The following EXT1 variants were observed in gnomAD, a reference collection of about 807,000 sequenced individuals.
EXT1 encodes the protein exostosin-1.
In EXT1, 20 loss-of-function variants were observed where a neutral mutation model predicts 82.5. The observed-to-expected ratio is 0.24, with a 90% CI of 0.17 to 0.35. The LOEUF is 0.35. Among genes scored for constraint, EXT1 ranks in the 10% least tolerant of loss-of-function variants. The pLI, the probability that EXT1 is intolerant of heterozygous loss-of-function variation, is 1.00. For missense variants in EXT1, 757 were observed against 936.5 expected, an observed-to-expected ratio of 0.81 and a Z score of 2.50; for synonymous variants, 348 against 350.8, an observed-to-expected ratio of 0.99 and a Z score of 0.09.
At chr8:118,098,509 C>A (rs1231651036) in intron 1 of EXT1, among the ~76,000 whole-genome samples, 1 of 152,090 alleles carries the variant, frequency 6.6e-6, no homozygotes, top group Non-Finnish European at 1.5e-5. Flanking sequence ...GTAATCCCAG[C>A]ACTTTGGGAG....
Position 117,799,774 on chromosome 8 carries a change from C to T in EXT1, c.2179G>A (p.Val727Ile), listed in dbSNP as rs146096724. The T allele has an allele frequency of 2.4e-5, 38 of 1,613,950 alleles. No individual in the cohort carries two copies. In the Admixed American group the frequency reaches 3.0e-4, roughly 13 times the overall value. The stretch of plus-strand genomic sequence containing the variant: ...ATAGAGACCTGGTCTTTAAAGAGGA[C>T]GGGGTCGAGCCTCATCTGAGAGTGG... ...LIHSQMRLDP[V>I]LFKDQVSILR... The change falls in exon 11 of 11, where the codon GTC becomes ATC. Residue 727 changes from valine to isoleucine, a missense_variant. By Grantham distance (29) the Val-to-Ile change is conservative. Transcript: ENST00000378204.
At chr8:117,842,191 C>T (rs931284810) in intron 1 of EXT1, among the ~76,000 whole-genome samples, 4 of 152,118 alleles carry the variant, frequency 2.6e-5, no homozygotes, top group African/African-American at 4.8e-5. Context: ...AACCTGGGTT[C>T]GAATTCCAGC....
chr8:117,823,308 G>T (rs539186169), intron 4 of EXT1, among the ~76,000 whole-genome samples: 1 of 152,230 alleles, frequency 6.6e-6, no homozygotes, highest in Admixed American at 6.5e-5. Context: ...GGACCTTGCA[G>T]ATCATTAAAT....
At chr8:118,063,245 A>G (rs1227854372) in intron 1 of EXT1, among the ~76,000 whole-genome samples, 2 of 152,254 alleles carry the variant, frequency 1.3e-5, no homozygotes, top group Admixed American at 6.5e-5. Flanking sequence ...AAAGAAGTGC[A>G]TATCTGCTTA....
intron 1 of EXT1, among the ~76,000 whole-genome samples, chr8:117,968,898 T>G (rs1258936545): frequency 6.6e-6 from 1 of 152,206 alleles, no homozygotes; most frequent in East Asian, 1.9e-4. Flanking sequence ...CAGTAAATAT[T>G]TGACTGTAAA....
At chr8:118,022,570 T>C (rs1409776036) in intron 1 of EXT1, among the ~76,000 whole-genome samples, 1 of 151,324 alleles carries the variant, frequency 6.6e-6, no homozygotes, top group Non-Finnish European at 1.5e-5. Flanking sequence ...ACTCCTGACC[T>C]CAGGTGATCC....
intron 5 of EXT1, among the ~76,000 whole-genome samples, chr8:117,821,747 G>C (rs904097802): frequency 6.6e-6 from 1 of 152,120 alleles, no homozygotes; most frequent in Non-Finnish European, 1.5e-5. Flanking sequence ...CCTGTCCTAG[G>C]CTTTCTCAAG....
intron 1 of EXT1, among the ~76,000 whole-genome samples, chr8:118,030,802 C>G (rs1816297580): frequency 6.6e-6 from 1 of 152,066 alleles, no homozygotes. Flanking sequence ...TTCTTGAGGT[C>G]TTGGCTTCTG....
At chr8:117,914,871 A>G (rs1813718188) in intron 1 of EXT1, among the ~76,000 whole-genome samples, 1 of 151,860 alleles carries the variant, frequency 6.6e-6, no homozygotes, top group Non-Finnish European at 1.5e-5. Flanking sequence ...CCTTGTGCTC[A>G]GTAGTTCTGC....
intron 1 of EXT1, among the ~76,000 whole-genome samples, chr8:117,915,855 C>CAAAACA (rs71569751): frequency 1.3e-5 from 2 of 148,722 alleles, no homozygotes; most frequent in African/African-American, 5.0e-5. Context: ...GACTCTGTCT[C>CAAAACA]AAACAAAACA....
At chr8:117,943,984 T>C (rs572274148) in intron 1 of EXT1, among the ~76,000 whole-genome samples, 4 of 152,330 alleles carry the variant, frequency 2.6e-5, no homozygotes, top group Non-Finnish European at 4.4e-5. Flanking sequence ...TTATCTGCTG[T>C]CTAGTTTCAA....
intron 1 of EXT1, among the ~76,000 whole-genome samples, chr8:118,026,869 C>T (rs750680307): frequency 6.6e-6 from 1 of 152,196 alleles, no homozygotes; most frequent in Middle Eastern, 3.2e-3. Context: ...TTTGGAAACA[C>T]AAAACAGAGT....
chr8:117,839,400 A>C (rs1272431818), intron 1 of EXT1, among the ~76,000 whole-genome samples: 1 of 152,212 alleles, frequency 6.6e-6, no homozygotes, highest in Non-Finnish European at 1.5e-5. Context: ...TTAGGTGTCC[A>C]TACCATTATA....
intron 1 of EXT1, among the ~76,000 whole-genome samples, chr8:118,024,574 T>G (rs575938751): frequency 2.6e-5 from 4 of 151,272 alleles, no homozygotes; most frequent in African/African-American, 9.7e-5. Flanking sequence ...GAACTTGCAG[T>G]TCAGTAGAGG....
rs183069463 is a variant in EXT1, at chr8:117,950,629, C to T, written c.963-113428G>A. On this transcript the variant is annotated intron_variant, in intron 1 of 10. Coordinates refer to ENST00000378204, the MANE Select transcript of EXT1 (RefSeq NM_000127.3). ...AATATCAGGGTCAAGTCCAAATTGT[C>T]CCTTTAGGGCTTACCCTGATAGAAC... 1.8e-3 allele frequency among the ~76,000 whole-genome samples: 272 copies of T among 152,294 alleles called. 1 individual carries two copies. The highest frequency in any genetic ancestry group is 3.3e-3 in the Non-Finnish European group (226 of 68,032).
chr8:118,048,414 CT>C (rs751934121), intron 1 of EXT1, among the ~76,000 whole-genome samples: 20 of 152,196 alleles, frequency 1.3e-4, no homozygotes, highest in Non-Finnish European at 2.6e-4. Flanking sequence ...TTCAAAAGTC[CT>C]ATGCCAGATA....
chr8:117,844,820 T>C (rs981354574), intron 1 of EXT1, among the ~76,000 whole-genome samples: 30 of 152,270 alleles, frequency 2.0e-4, no homozygotes. Context: ...TCAGGGATGC[T>C]TGGCGTCCCC....
At position 117,846,894 on chromosome 8, in the gene EXT1, C is replaced by T. The variant is rs17503586; in HGVS notation, c.963-9693G>A. Among the ~76,000 whole-genome samples the T allele has an allele frequency of 5.6e-3, 845 of 152,210 alleles. 14 individuals carry two copies. Among genetic ancestry groups the T allele is most frequent in the African/African-American group, 0.019 (797 of 41,526 alleles). On this transcript the variant is annotated intron_variant, in intron 1 of 10. Transcript: ENST00000378204. The stretch of plus-strand genomic sequence containing the variant: ...GGGAGCACTTCTTCCCTACATGCCC[C>T]TCTTTCCTTCTTTTTCTTAACTTCC...
chr8:117,825,585 G>A (rs1482798925), intron 4 of EXT1, among the ~76,000 whole-genome samples: 4 of 152,184 alleles, frequency 2.6e-5, no homozygotes, highest in African/African-American at 4.8e-5. Flanking sequence ...AGAATGACAG[G>A]CTCCTTATTT....
Sources: allele counts gnomAD v4.1 joint callset (sites outside exome capture counted in the v4.1 genomes callset), GRCh38; gene constraint gnomAD v4.1.1; transcripts MANE v1.5; gene names NCBI Gene and HGNC (gene_info 2026-07-23, HGNC 2026-07-21).